WWOX: variants seen among roughly 807,000 people sequenced by gnomAD.
The protein encoded by WWOX is WW domain-containing oxidoreductase.
Under a neutral mutation model 46.2 loss-of-function variants are expected in WWOX, and 69 were observed. That is an observed-to-expected ratio of 1.49 (90% CI 1.23 to 1.82). WWOX has a LOEUF of 1.82. Ranked by LOEUF, WWOX falls within the 40% of genes most tolerant of loss-of-function variation. The pLI, the probability that WWOX is intolerant of heterozygous loss-of-function variation, is 0.00. For missense variants in WWOX, 919 were observed against 542.6 expected (o/e 1.69, Z -6.89); for synonymous variants, 359 against 202.6 (o/e 1.77, Z -6.56).
At chr16:78,756,175 C>T (rs2049641505) in intron 8 of WWOX, among the ~76,000 whole-genome samples, 1 of 152,180 alleles carries the variant, frequency 6.6e-6, no homozygotes, top group Admixed American at 6.5e-5. Context: ...GTATGTACTG[C>T]CTCTGGCTAA....
chr16:78,335,556 C>T (rs529681335), intron 5 of WWOX, among the ~76,000 whole-genome samples: 14 of 152,212 alleles, frequency 9.2e-5, no homozygotes, highest in African/African-American at 3.1e-4. Context: ...CGTGTCCTTG[C>T]TATTGTGAAA....
chr16:78,494,536 GC>G (rs1251010888), intron 8 of WWOX, among the ~76,000 whole-genome samples: 3 of 152,114 alleles, frequency 2.0e-5, no homozygotes, highest in Non-Finnish European at 4.4e-5. Context: ...AAACTTCTGT[GC>G]TTTTTGAAAT....
intron 8 of WWOX, among the ~76,000 whole-genome samples, chr16:78,846,517 C>G (rs1455394116): frequency 2.0e-5 from 3 of 152,068 alleles, no homozygotes; most frequent in African/African-American, 7.2e-5. Flanking sequence ...CTGATGTGTT[C>G]TCTTGATTAG....
intron 8 of WWOX, among the ~76,000 whole-genome samples, chr16:78,864,908 G>T (rs903907659): frequency 6.6e-6 from 1 of 151,372 alleles, no homozygotes. Context: ...GACCACAGGC[G>T]TGCACCACCA....
At chr16:79,167,108 T>C (rs534393663) in intron 8 of WWOX, among the ~76,000 whole-genome samples, 1 of 152,184 alleles carries the variant, frequency 6.6e-6, no homozygotes, top group East Asian at 1.9e-4. Context: ...GGCCGGCTAA[T>C]TTTTTTGTAT....
intron 8 of WWOX, among the ~76,000 whole-genome samples, chr16:78,744,717 C>T (rs989811203): frequency 6.6e-6 from 1 of 152,108 alleles, no homozygotes; most frequent in Non-Finnish European, 1.5e-5. Flanking sequence ...CAGGCGTGAG[C>T]CACTGTGTAT....
In WWOX at chr16:78,795,547, A is replaced by T. The variant is rs2050714675; in HGVS notation, c.1056+362795A>T. On this transcript the variant is annotated intron_variant, in intron 8 of 8. Transcript: ENST00000566780. The stretch of plus-strand genomic sequence containing the variant: ...TGCTGAGTCTTCCCAATTCTGAAAA[A>T]AAGGATTCAGGGTATAATTTCTCAC... Among the ~76,000 whole-genome samples the T allele has an allele frequency of 3.3e-5, 5 of 152,306 alleles. No homozygotes were observed. In the South Asian group the frequency reaches 1.0e-3, roughly 32 times the overall value.
chr16:78,258,754 G>A (rs541412203), intron 5 of WWOX, among the ~76,000 whole-genome samples: 3 of 145,250 alleles, frequency 2.1e-5, no homozygotes, highest in East Asian at 4.2e-4. Context: ...CCTAGCCAAG[G>A]CCCACATGGC....
chr16:78,425,795 G>C (rs1386434433), intron 7 of WWOX, among the ~76,000 whole-genome samples: 1 of 152,044 alleles, frequency 6.6e-6, no homozygotes, highest in East Asian at 1.9e-4. Context: ...CGTTTGCTTG[G>C]TGTGTGTTTG....
At chr16:78,481,750 TGTGTGTGTGTGTGTGC>T (rs1448922833) in intron 8 of WWOX, among the ~76,000 whole-genome samples, 2 of 149,252 alleles carry the variant, frequency 1.3e-5, no homozygotes, top group African/African-American at 5.1e-5. Flanking sequence ...TGTGTGTGTG[TGTGTGTGTGTGTGTGC>T]GCGCGCCTGC....
At chr16:79,071,559 G>T (rs2048551617) in intron 8 of WWOX, among the ~76,000 whole-genome samples, 1 of 152,144 alleles carries the variant, frequency 6.6e-6, no homozygotes, top group Non-Finnish European at 1.5e-5. Context: ...GGTTTTTAGA[G>T]TCCTAAGAAA....
At chr16:78,231,375 T>C (rs1034240024) in intron 5 of WWOX, among the ~76,000 whole-genome samples, 1 of 152,200 alleles carries the variant, frequency 6.6e-6, no homozygotes, top group Non-Finnish European at 1.5e-5. Context: ...TGCAAATTAA[T>C]CAACTTGCAG....
intron 8 of WWOX, among the ~76,000 whole-genome samples, chr16:78,541,446 C>T (rs1323443862): frequency 2.3e-5 from 3 of 129,872 alleles, no homozygotes; most frequent in East Asian, 2.2e-4. Flanking sequence ...TGCACTCCAG[C>T]CTGGGCGACA....
At chr16:78,989,123 C>T (rs1401831158) in intron 8 of WWOX, among the ~76,000 whole-genome samples, 1 of 152,040 alleles carries the variant, frequency 6.6e-6, no homozygotes, top group Non-Finnish European at 1.5e-5. Flanking sequence ...CTAAAATTAT[C>T]AGCATATTTA....
At chr16:79,054,557 C>T (rs965603537) in intron 8 of WWOX, among the ~76,000 whole-genome samples, 1 of 152,138 alleles carries the variant, frequency 6.6e-6, no homozygotes, top group African/African-American at 2.4e-5. Flanking sequence ...TACAGTGGCT[C>T]ACACCTGTAA....
intron 8 of WWOX, among the ~76,000 whole-genome samples, chr16:79,038,738 C>G (rs918116870): frequency 2.6e-5 from 4 of 152,024 alleles, no homozygotes; most frequent in African/African-American, 9.7e-5. Flanking sequence ...TTAGTAGAGA[C>G]AGGGTTTCAC....
At chr16:78,571,464 C>G (rs1026040167) in intron 8 of WWOX, among the ~76,000 whole-genome samples, 1 of 152,128 alleles carries the variant, frequency 6.6e-6, no homozygotes, top group African/African-American at 2.4e-5. Flanking sequence ...GGGCATAGGT[C>G]TTGTTTTGCC....
At chr16:78,757,137 G>T in intron 8 of WWOX, 2 of 641,296 alleles carry the variant, frequency 3.1e-6, no homozygotes, top group South Asian at 3.4e-5. Flanking sequence ...ACCGAGCTAA[G>T]CTGCTCACAA....
In WWOX at chr16:78,793,137, A is replaced by G. The variant is rs145622760; in HGVS notation, c.1056+360385A>G. ...GCTCAGGCTGGAGTGAAGTGATGCAATCTCAGGTCACTGCAACTGCTGTCT... is the reference window on the plus strand; with the variant it reads ...GCTCAGGCTGGAGTGAAGTGATGCAGTCTCAGGTCACTGCAACTGCTGTCT... On this transcript the variant is annotated intron_variant, in intron 8 of 8. Transcript: ENST00000566780. 7.8e-3 allele frequency among the ~76,000 whole-genome samples: 1,193 copies of G among 152,238 alleles called. 14 individuals carry two copies. The highest frequency in any genetic ancestry group is 0.027 in the African/African-American group (1,119 of 41,536).
Sources: allele counts gnomAD v4.1 joint callset (sites outside exome capture counted in the v4.1 genomes callset), GRCh38; gene constraint gnomAD v4.1.1; transcripts MANE v1.5; gene names NCBI Gene and HGNC (gene_info 2026-07-23, HGNC 2026-07-21).